The following MLXIPL variants were observed in gnomAD, a reference collection of about 807,000 sequenced individuals.
MLXIPL encodes the protein carbohydrate-responsive element-binding protein.
A neutral mutation model predicts 81.5 loss-of-function variants in MLXIPL; 49 were observed. That is an observed-to-expected ratio of 0.60 (90% CI 0.48 to 0.76). The LOEUF is 0.76. MLXIPL is among the 30% of genes least tolerant of loss of function. MLXIPL has a pLI of 0.00. For missense variants in MLXIPL, 1,053 were observed against 1,167.0 expected, an observed-to-expected ratio of 0.90 and a Z score of 1.42; for synonymous variants, 466 against 485.5, an observed-to-expected ratio of 0.96 and a Z score of 0.53.
chr7:73,609,779 C>G (rs907237368), intron 2 of MLXIPL: 2 of 152,112 alleles, frequency 1.3e-5, no homozygotes, highest in African/African-American at 2.4e-5. Flanking sequence ...GCAAGTGATC[C>G]TCCTACCTTA....
chr7:73,645,104 G>A, the MLXIPL span, among the ~76,000 whole-genome samples: 1 of 151,964 alleles, frequency 6.6e-6, no homozygotes, highest in Non-Finnish European at 1.5e-5. Flanking sequence ...ATAGCTCACT[G>A]CAGCCTCAAA....
chr7:73,594,580 G>A (rs371104633), intron 15 of MLXIPL, among the ~76,000 whole-genome samples, 177 bp from the exon 16 acceptor site: 19 of 151,220 alleles, frequency 1.3e-4, no homozygotes, highest in East Asian at 9.7e-4. Flanking sequence ...ACGGAGTCTC[G>A]CTCTGTCACC....
rs929575874 is a variant in MLXIPL, at chr7:73,623,272, A to G, written c.293+928T>C. On this transcript the variant is annotated intron_variant, in intron 1 of 16. Transcript: ENST00000313375. This position sits in a 1 kb window ranked among gnomAD's most constrained non-coding sequence, Gnocchi z 5.7. Reference sequence around the variant, plus strand: ...GGAGGCGCCGCGGAGGAAGAGGAATATTTGCACAGAGAAAAGATCAAGGCC... The same window carrying G: ...GGAGGCGCCGCGGAGGAAGAGGAATGTTTGCACAGAGAAAAGATCAAGGCC... Among the ~76,000 whole-genome samples, 7 of 152,310 alleles carry G rather than the reference A, an allele frequency of 4.6e-5. No individual in the cohort carries two copies. Among genetic ancestry groups the G allele is most frequent in the Admixed American group, 6.5e-5 (1 of 15,300 alleles).
the MLXIPL span, among the ~76,000 whole-genome samples, chr7:73,640,011 A>G: frequency 6.6e-6 from 1 of 151,908 alleles, no homozygotes; most frequent in Non-Finnish European, 1.5e-5. Flanking sequence ...GCAGTGAGCC[A>G]AGATCGCACC....
Position 73,594,021 on chromosome 7 carries a change from T to C in MLXIPL, c.2441-38A>G, listed in dbSNP as rs782207508. The C allele has an allele frequency of 3.2e-6, 5 of 1,568,618 alleles. No individual in the cohort carries two copies. The Admixed American group carries it at 6.7e-5, about 21-fold the overall frequency. On this transcript the variant is annotated intron_variant, in intron 16 of 16. Transcript: ENST00000313375. ...CAGAGAGAGAGAGACAGACACTTCCTGGGGTCAGGGCCCTACCCTTGGATG... is the reference window on the plus strand; with the variant it reads ...CAGAGAGAGAGAGACAGACACTTCCCGGGGTCAGGGCCCTACCCTTGGATG...
rs1334265677 is a variant in MLXIPL, at chr7:73,623,811, C to CAGAGTGG, written c.293+382_293+388dup. ...TGCAGGGGGTCGGGTGGAGTGGCTC[C>CAGAGTGG]AGAGTGGAGAGTGGGGATGGGCGCG... On this transcript the variant is annotated intron_variant, in intron 1 of 16. Transcript: ENST00000313375. The surrounding 1 kb of genome is among the most constrained non-coding windows in gnomAD (Gnocchi z 5.7). Among the ~76,000 whole-genome samples, 7 of 151,996 alleles carry CAGAGTGG rather than the reference C, an allele frequency of 4.6e-5. No homozygotes were observed. Among genetic ancestry groups the CAGAGTGG allele is most frequent in the African/African-American group, 1.7e-4 (7 of 41,454 alleles).
chr7:73,617,247 G>A (rs1554600989), intron 1 of MLXIPL, among the ~76,000 whole-genome samples: 1 of 152,038 alleles, frequency 6.6e-6, no homozygotes, highest in Non-Finnish European at 1.5e-5. Context: ...TCAAACTCCT[G>A]ACCTCAAGTG....
chr7:73,602,130 G>GCCTTCCTTCCTTTCTTCCTT (rs1794902193), intron 7 of MLXIPL, among the ~76,000 whole-genome samples: 1 of 80,508 alleles, frequency 1.2e-5, no homozygotes, highest in African/African-American at 5.5e-5. Flanking sequence ...CTGCCTGCCT[G>GCCTTCCTTCCTTTCTTCCTT]CCTTCCTTCC....
Position 73,596,095 on chromosome 7 carries a change from G to A in MLXIPL, c.2058+58C>T. ...CCCCTGCAATTGAGTTTTGGGTGGG[G>A]GGGGTCCAGAAAGGGGCCCTGTGGT... On this transcript the variant is annotated intron_variant, in intron 13 of 16. Transcript: ENST00000313375. The surrounding 1 kb of genome is among the most constrained non-coding windows in gnomAD (Gnocchi z 4.7). 4 of 1,600,916 alleles carry A rather than the reference G, an allele frequency of 2.5e-6. No homozygotes were observed. Among genetic ancestry groups the A allele is most frequent in the Non-Finnish European group, 3.4e-6 (4 of 1,176,238 alleles).
At chr7:73,605,650 C>G (rs1554597691) in intron 7 of MLXIPL, 38 bp downstream of exon 7, 12 of 1,606,612 alleles carry the variant, frequency 7.5e-6, no homozygotes, top group Non-Finnish European at 9.4e-6. Context: ...CACACAGACC[C>G]TGCCCGTCCA....
chr7:73,605,908 A>C lies in MLXIPL; in HGVS notation c.820+2T>G, dbSNP rs1584109361. On this transcript the variant is annotated splice_donor_variant, in intron 6 of 16. Transcript: ENST00000313375. LOFTEE classifies it high-confidence loss of function. ...CTCCCCTGCCCTTTCTCAGACCCTC[A>C]CCATCCTCAGGCGGCAGCTGCAGGG... 3 of 1,580,500 alleles carry C rather than the reference A, an allele frequency of 1.9e-6. No homozygotes were observed. Among genetic ancestry groups the C allele is most frequent in the Non-Finnish European group, 2.6e-6 (3 of 1,162,668 alleles).
chr7:73,599,789 G>T, intron 7 of MLXIPL, 94 bp from the exon 8 acceptor site: 1 of 1,307,580 alleles, frequency 7.6e-7, no homozygotes, highest in Admixed American at 2.2e-5. Flanking sequence ...AGCCTTGGCG[G>T]GTGGGGACAT....
Position 73,595,628 on chromosome 7 carries a change from G to A in MLXIPL, c.2310+9C>T. 6.2e-7 allele frequency: 1 copy of A among 1,614,174 alleles called. No individual in the cohort carries two copies. Among genetic ancestry groups the A allele is most frequent in the Non-Finnish European group, 8.5e-7 (1 of 1,180,008 alleles). On this transcript the variant is annotated intron_variant, in intron 15 of 16. Transcript: ENST00000313375. ...GCAGCCCCCCAGCCATGGGCTTGAG[G>A]GAGGATACCACCCAGAACTTCCAGT...
intron 1 of MLXIPL, among the ~76,000 whole-genome samples, chr7:73,618,392 T>G (rs1796123629): frequency 6.6e-6 from 1 of 152,186 alleles, no homozygotes; most frequent in South Asian, 2.1e-4. Flanking sequence ...CCACCGCACC[T>G]GGCCCCCAAG....
At chr7:73,638,726 G>A in the MLXIPL span, among the ~76,000 whole-genome samples, 2 of 152,070 alleles carry the variant, frequency 1.3e-5, no homozygotes, top group Non-Finnish European at 2.9e-5. Flanking sequence ...GGGTTCAAGC[G>A]ATTCTCCTGC....
the MLXIPL span, among the ~76,000 whole-genome samples, chr7:73,647,864 G>C: frequency 0.98 from 148,091 of 150,548 alleles, 72,886 homozygotes; most frequent in Middle Eastern, 1. Context: ...TGGGACCGCC[G>C]GACCGCGCCC....
At chr7:73,632,133 C>A in the MLXIPL span, among the ~76,000 whole-genome samples, 1 of 151,378 alleles carries the variant, frequency 6.6e-6, no homozygotes, top group South Asian at 2.1e-4. Flanking sequence ...GCTGGGACCA[C>A]CACACTCAGC....
At chr7:73,602,113 TGCC>T (rs1554596485) in intron 7 of MLXIPL, among the ~76,000 whole-genome samples, 30 of 141,638 alleles carry the variant, frequency 2.1e-4, no homozygotes, top group African/African-American at 8.0e-4. Flanking sequence ...CCTGCCTGCC[TGCC>T]TGCCTGCCTG....
Position 73,596,128 on chromosome 7 carries a change from G to A in MLXIPL, c.2058+25C>T, listed in dbSNP as rs782653559. 5.0e-6 allele frequency: 8 copies of A among 1,609,364 alleles called. No individual in the cohort carries two copies. The highest frequency in any genetic ancestry group is 5.9e-6 in the Non-Finnish European group (7 of 1,179,040). ...AGAAAGGGGCCCTGTGGTTTTGGGG[G>A]TGCCAGCCTGGGCCCGGGGCTCACC... On this transcript the variant is annotated intron_variant, in intron 13 of 16. Coordinates refer to ENST00000313375, the MANE Select transcript of MLXIPL (RefSeq NM_032951.3). This position sits in a 1 kb window ranked among gnomAD's most constrained non-coding sequence, Gnocchi z 4.7.
Sources: gnomAD v4.1 joint callset for allele counts (sites outside exome capture counted in the v4.1 genomes callset) on GRCh38, gnomAD v4.1.1 for gene constraint, Gnocchi (gnomAD v3.1) non-coding constraint, MANE v1.5 for transcripts, NCBI Gene and HGNC (gene_info 2026-07-23, HGNC 2026-07-21) for gene names.